AVEN: variants seen among roughly 807,000 people sequenced by gnomAD.
AVEN encodes apoptosis and caspase activation inhibitor.
In AVEN, 41 loss-of-function variants were observed where a neutral mutation model predicts 38.1. The ratio of observed to expected loss-of-function variants is 1.08; its 90% CI spans 0.84 to 1.40. AVEN has a LOEUF of 1.40. Ranked by LOEUF, AVEN falls within the 40% of genes most tolerant of loss-of-function variation. The pLI is 0.00. For missense variants in AVEN, 605 were observed against 438.8 expected (o/e 1.38, Z -3.38); for synonymous variants, 206 against 171.8 (o/e 1.20, Z -1.56).
intron 2 of AVEN, among the ~76,000 whole-genome samples, chr15:33,882,837 C>A (rs937321154): frequency 1.3e-4 from 20 of 152,176 alleles, no homozygotes; most frequent in African/African-American, 4.3e-4. Flanking sequence ...CATGCCACTG[C>A]ACTCCAGCCT....
At chr15:34,039,963 T>C (rs1899396507), upstream of AVEN, among the ~76,000 whole-genome samples, 1 of 152,214 alleles carries the variant, frequency 6.6e-6, no homozygotes, top group African/African-American at 2.4e-5. Context: ...CACAGATGCA[T>C]GAAAGCAGTT....
chr15:34,018,772 T>C (rs1447037212), intron 1 of AVEN, among the ~76,000 whole-genome samples: 1 of 152,258 alleles, frequency 6.6e-6, no homozygotes, highest in African/African-American at 2.4e-5. Context: ...AGAGTGCTAA[T>C]TGGTCCATTT....
rs1896385731 is a variant in AVEN, at chr15:33,985,407, G to A, written c.445+17625C>T. ...TGTTACCAGAAAGGAACACTGAGCTGAGTGCATGCCCTCAGCTCAGTGTTC... is the reference window on the plus strand; with the variant it reads ...TGTTACCAGAAAGGAACACTGAGCTAAGTGCATGCCCTCAGCTCAGTGTTC... On this transcript the variant is annotated intron_variant, in intron 2 of 5. Coordinates refer to ENST00000306730, the MANE Select transcript of AVEN (RefSeq NM_020371.3). 6.0e-5 allele frequency among the ~76,000 whole-genome samples: 9 copies of A among 150,990 alleles called. 1 individual carries two copies. The highest frequency in any genetic ancestry group is 5.9e-4 in the Admixed American group (9 of 15,234).
intron 2 of AVEN, among the ~76,000 whole-genome samples, chr15:34,069,407 G>A (rs1220729742): frequency 1.3e-5 from 2 of 151,484 alleles, no homozygotes; most frequent in East Asian, 1.9e-4. Flanking sequence ...AGCTGAGATC[G>A]TGCCACGGCA....
intron 11 of AVEN, among the ~76,000 whole-genome samples, chr15:33,860,399 G>C (rs1333189426): frequency 1.3e-5 from 2 of 152,204 alleles, no homozygotes; most frequent in African/African-American, 4.8e-5. Flanking sequence ...GCATGGTGTA[G>C]AAAGGTAGAG....
chr15:33,960,807 G>C (rs1450915840), intron 2 of AVEN, among the ~76,000 whole-genome samples: 1 of 152,144 alleles, frequency 6.6e-6, no homozygotes, highest in African/African-American at 2.4e-5. Context: ...CCATTCAGCT[G>C]TGTGGGAGCA....
chr15:33,859,510 C>A, intron 11 of AVEN: 1 of 1,569,392 alleles, frequency 6.4e-7, no homozygotes, highest in Non-Finnish European at 8.8e-7. Flanking sequence ...TATGAATGAT[C>A]TGAGCATCTT....
intron 5 of AVEN, among the ~76,000 whole-genome samples, chr15:34,052,004 G>A (rs1457309417): frequency 6.6e-6 from 1 of 152,164 alleles, no homozygotes; most frequent in Non-Finnish European, 1.5e-5. Context: ...TATGAAGCCA[G>A]CATCATCCTG....
At chr15:33,983,140 G>GTGTGTGTGTGTGTGTGTGTA (rs1555512723) in intron 2 of AVEN, among the ~76,000 whole-genome samples, 102 of 118,378 alleles carry the variant, frequency 8.6e-4, no homozygotes, top group African/African-American at 4.4e-3. Flanking sequence ...GTGTGTGTGT[G>GTGTGTGTGTGTGTGTGTGTA]TGTGTGTGTG....
At chr15:33,966,704 T>C (rs1895400118) in intron 2 of AVEN, among the ~76,000 whole-genome samples, 2 of 152,094 alleles carry the variant, frequency 1.3e-5, no homozygotes, top group African/African-American at 4.8e-5. Flanking sequence ...GAGAATGAAT[T>C]TCGACAGGTG....
Position 34,063,490 on chromosome 15 carries a change from G to C in AVEN, n.1127-58C>G. 6.2e-7 allele frequency: 1 copy of C among 1,613,756 alleles called. No individual in the cohort carries two copies. Among genetic ancestry groups the C allele is most frequent in the Non-Finnish European group, 8.5e-7 (1 of 1,180,036 alleles). On this transcript the variant is annotated intron_variant and non_coding_transcript_variant, in intron 4 of 11. Coordinates refer to the AVEN transcript ENST00000675287. The surrounding 1 kb of genome is among the most constrained non-coding windows in gnomAD (Gnocchi z 4.1). ...TTCAGATCCTGCTTGCGCTGTCCTC[G>C]ACCCACCCTGGCCCAGCGGGAAAGG... is the stretch of plus-strand genomic sequence containing the variant.
At chr15:33,909,605 G>A (rs368872025) in intron 2 of AVEN, among the ~76,000 whole-genome samples, 13 of 152,112 alleles carry the variant, frequency 8.5e-5, no homozygotes, top group Non-Finnish European at 1.5e-4. Context: ...TTCAGCTTTC[G>A]AAGTAAAAGA....
At position 33,896,229 on chromosome 15, in the gene AVEN, C is replaced by CA. The variant is rs199810443; in HGVS notation, c.446-20235dup. Among the ~76,000 whole-genome samples, 21 of 152,150 alleles carry CA rather than the reference C, an allele frequency of 1.4e-4. No individual in the cohort carries two copies. The East Asian group carries it at 4.1e-3, about 29-fold the overall frequency. ...AAAAATTACATGGCATGCACAGACG[C>CA]AGGAAAATAATGGCCCCCTAAAGAG... On this transcript the variant is annotated intron_variant, in intron 2 of 5. Coordinates refer to ENST00000306730, the MANE Select transcript of AVEN (RefSeq NM_020371.3).
Position 34,063,708 on chromosome 15 carries a change from GA to G in AVEN, n.1127-277del. On this transcript the variant is annotated intron_variant and non_coding_transcript_variant, in intron 4 of 11. Coordinates refer to the AVEN transcript ENST00000675287. The surrounding 1 kb of genome is among the most constrained non-coding windows in gnomAD (Gnocchi z 4.1). ...AGTGGTCTACAAGAGTCAGGGTAAG[GA>G]AAGCCCAGGGGAAGAATTCAGTGCT... 1 of 1,614,202 alleles carries G rather than the reference GA, an allele frequency of 6.2e-7. No individual in the cohort carries two copies. The highest frequency in any genetic ancestry group is 1.1e-5 in the South Asian group (1 of 91,082).
chr15:33,880,167 G>A (rs933134888), intron 2 of AVEN, among the ~76,000 whole-genome samples: 5 of 152,086 alleles, frequency 3.3e-5, no homozygotes, highest in African/African-American at 1.2e-4. Flanking sequence ...CAGTCTTGCT[G>A]AGAACGAGGA....
chr15:34,059,963 A>G (rs1415370713), intron 5 of AVEN, among the ~76,000 whole-genome samples: 1 of 151,976 alleles, frequency 6.6e-6, no homozygotes, highest in Non-Finnish European at 1.5e-5. Flanking sequence ...TAAACATTCA[A>G]ATATTTAAGA....
chr15:34,050,014 A>G (rs1457658399), intron 5 of AVEN, among the ~76,000 whole-genome samples: 1 of 151,722 alleles, frequency 6.6e-6, no homozygotes, highest in East Asian at 1.9e-4. Flanking sequence ...CAGCCTCCCG[A>G]GTAGCTGGGA....
intron 2 of AVEN, among the ~76,000 whole-genome samples, chr15:33,908,595 T>G (rs1892797403): frequency 6.6e-6 from 1 of 152,220 alleles, no homozygotes; most frequent in Non-Finnish European, 1.5e-5. Context: ...ATAAGTAGAA[T>G]CATACAGTAT....
intron 2 of AVEN, among the ~76,000 whole-genome samples, chr15:33,979,711 G>C (rs1228293427): frequency 6.6e-6 from 1 of 152,108 alleles, no homozygotes; most frequent in East Asian, 1.9e-4. Context: ...GACACCAATG[G>C]TTCATAACAT....
Sources: allele counts gnomAD v4.1 joint callset (sites outside exome capture counted in the v4.1 genomes callset), GRCh38; gene constraint gnomAD v4.1.1; non-coding constraint Gnocchi (gnomAD v3.1); transcripts MANE v1.5; gene names NCBI Gene and HGNC (gene_info 2026-07-23, HGNC 2026-07-21).